The following CLEC12A variants were observed in gnomAD, a reference collection of about 807,000 sequenced individuals.
The protein encoded by CLEC12A is C-type lectin domain family 12 member A, also known as C-type lectin protein CLL-1.
In CLEC12A, 22 loss-of-function variants were observed where a neutral mutation model predicts 26.5. The ratio of observed to expected loss-of-function variants is 0.83; its 90% confidence interval spans 0.59 to 1.19. The LOEUF is 1.19. Among genes scored for constraint, CLEC12A ranks in the 50% most tolerant of loss-of-function variants. The pLI is 0.00. For synonymous variants in CLEC12A, 119 were observed against 101.9 expected (o/e 1.17, Z -1.01); for missense variants, 353 against 315.6 (o/e 1.12, Z -0.90).
the CLEC12A span, among the ~76,000 whole-genome samples, chr12:10,004,750 A>G: frequency 6.6e-6 from 1 of 151,676 alleles, no homozygotes; most frequent in Non-Finnish European, 1.5e-5. Flanking sequence ...GTGCCAGGGA[A>G]CCACTCTCTT....
upstream of CLEC12A, among the ~76,000 whole-genome samples, chr12:9,966,855 G>C (rs71441775): frequency 1.3e-5 from 1 of 78,796 alleles, no homozygotes; most frequent in East Asian, 4.3e-4. Flanking sequence ...GCTGTAAAGC[G>C]TCTCAGGGTT....
Position 9,978,986 on chromosome 12 carries a change from G to T in CLEC12A, c.112G>T (p.Val38Leu). The T allele has an allele frequency of 6.2e-7, 1 of 1,613,892 alleles. No homozygotes were observed. Among genetic ancestry groups the T allele is most frequent in the Non-Finnish European group, 8.5e-7 (1 of 1,179,842 alleles). The change falls in exon 2 of 6, where the codon GTA becomes TTA. Residue 38 changes from valine (V) to leucine (L), a missense_variant. Coordinates refer to ENST00000304361, the MANE Select transcript of CLEC12A (RefSeq NM_138337.6). Reference protein sequence around the residue: ...GEKAPPAPSHVWRPAALFLTL... With the variant: ...GEKAPPAPSHLWRPAALFLTL... ...CACAGCACCTCCAGCTCCCTCTCAT[G>T]TATGGCGTCCAGCAGCCTTGTTTCT...
chr12:9,975,295 G>T (rs609216), intron 1 of CLEC12A, among the ~76,000 whole-genome samples: 83,825 of 151,990 alleles, frequency 0.55, 23,654 homozygotes, highest in East Asian at 0.84. Flanking sequence ...GAAGAAGACA[G>T]AAAAATGTGG....
chr12:9,977,657 T>C (rs1358915865), intron 1 of CLEC12A, among the ~76,000 whole-genome samples: 1 of 152,218 alleles, frequency 6.6e-6, no homozygotes, highest in East Asian at 1.9e-4. Flanking sequence ...GTTTTAAATC[T>C]CTGCACAACA....
intron 1 of CLEC12A, among the ~76,000 whole-genome samples, chr12:9,978,297 A>G (rs1169208078): frequency 6.6e-6 from 1 of 152,144 alleles, no homozygotes; most frequent in East Asian, 1.9e-4. Flanking sequence ...TTAAATAGAG[A>G]AATGATCTAT....
chr12:9,980,472 A>G (rs2137186608), intron 3 of CLEC12A, 110 bp from the exon 4 acceptor site: 1 of 1,140,088 alleles, frequency 8.8e-7, no homozygotes, highest in East Asian at 2.5e-5. Flanking sequence ...AAAGAAAAAG[A>G]AAGAAGAATA....
At position 9,952,588 on chromosome 12, in the gene CLEC12A, G is replaced by A. The variant is rs866205256; in HGVS notation, c.10+1232G>A. On this transcript the variant is annotated intron_variant, in intron 1 of 6. Coordinates refer to the CLEC12A transcript ENST00000355690. The stretch of plus-strand genomic sequence containing the variant: ...AGTGCCGAGATTGCAGCCTCTGCCC[G>A]GCCGCCACCCCGTCTGGGAAGTGAG... The A allele has an allele frequency of 3.5e-3, 594 of 168,762 alleles. 7 individuals are homozygous for A. The highest frequency in any genetic ancestry group is 0.01 in the African/African-American group (413 of 40,186). The allele number at this position is 168,762 out of a possible 1,614,324, so 10.5% of individuals were successfully genotyped here.
At chr12:9,995,268 A>T (rs770126978) in exon 5 of CLEC12A, 1 of 1,584,130 alleles carries the variant, frequency 6.3e-7, no homozygotes, top group Non-Finnish European at 8.7e-7. Context: ...ATAAATAAAC[A>T]CAATGGTCAG....
At chr12:9,951,481 C>G (rs1173409439) in intron 1 of CLEC12A, 4 of 688,474 alleles carry the variant, frequency 5.8e-6, no homozygotes, top group Non-Finnish European at 1.1e-5. Flanking sequence ...CCTGACTGTT[C>G]CAGTTCAGAC....
chr12:9,998,181 TA>T, downstream of CLEC12A: 1 of 871,700 alleles, frequency 1.1e-6, no homozygotes, highest in African/African-American at 1.7e-5. Context: ...GTAGAAGTGA[TA>T]AACAGACAAA....
the CLEC12A span, among the ~76,000 whole-genome samples, chr12:10,005,170 A>C: frequency 3.5e-3 from 539 of 152,292 alleles, 2 homozygotes; most frequent in African/African-American, 0.013. Context: ...CCAAGGCACA[A>C]TTCTATTTTC....
rs991978038 is a variant in CLEC12A at position 9,985,282 on chromosome 12, G to C, written c.*256G>C. The C allele has an allele frequency of 5.0e-6, 2 of 402,170 alleles. No homozygotes were observed. Among genetic ancestry groups the C allele is most frequent in the African/African-American group, 4.2e-5 (2 of 48,192 alleles). 24.9% of individuals were successfully genotyped at this position (402,170 alleles called of 1,614,324 possible). On this transcript the variant is annotated 3_prime_UTR_variant, in exon 6 of 6. Coordinates refer to ENST00000304361, the MANE Select transcript of CLEC12A (RefSeq NM_138337.6). ...CCTGGAGGAAGAGGAAGTCCATTCA[G>C]ATAGTTGTGGGGGGCCTTCGAATTT...
At chr12:9,964,540 C>A (rs571994637) in intron 1 of CLEC12A, among the ~76,000 whole-genome samples, 2 of 152,140 alleles carry the variant, frequency 1.3e-5, no homozygotes, top group South Asian at 2.1e-4. Context: ...TGGAGGGTCC[C>A]CTGCCAGCAA....
intron 1 of CLEC12A, among the ~76,000 whole-genome samples, chr12:9,956,043 A>G (rs1863737664): frequency 6.6e-6 from 1 of 152,228 alleles, no homozygotes; most frequent in Middle Eastern, 3.2e-3. Flanking sequence ...TCAAGGGGAG[A>G]CAAGCTGACA....
chr12:9,982,084 C>G lies in CLEC12A; in HGVS notation c.596C>G (p.Ser199Cys). The change falls in exon 5 of 6, where the codon TCC (serine) becomes TGC (cysteine). Residue 199 changes from serine (S) to cysteine (C), a missense_variant. Transcript: ENST00000304361. ...YWLGLSPEED[S>C]TRGMRVDNII... ...CTGGGATTATCTCCTGAAGAAGATT[C>G]CACTCGTGGTATGAGAGTGGATAAT... 6.2e-7 allele frequency: 1 copy of G among 1,601,054 alleles called. No homozygotes were observed. Among genetic ancestry groups the G allele is most frequent in the Non-Finnish European group, 8.6e-7 (1 of 1,169,070 alleles).
downstream of CLEC12A, chr12:9,998,210 C>T (rs1399532036): frequency 9.7e-6 from 11 of 1,132,700 alleles, no homozygotes; most frequent in Non-Finnish European, 1.5e-5. Context: ...CATTGAGAAG[C>T]TTAGTGGGAT....
chr12:9,979,126 A>G, intron 2 of CLEC12A, 62 bp downstream of exon 2: 1 of 1,359,686 alleles, frequency 7.4e-7, no homozygotes. Flanking sequence ...TTTAGCAACA[A>G]AAGTTTATTC....
chr12:9,996,901 T>C, downstream of CLEC12A: 2 of 1,614,002 alleles, frequency 1.2e-6, no homozygotes, highest in Non-Finnish European at 1.7e-6. Flanking sequence ...AGTGCAGTAC[T>C]GCTTACTCTC....
At chr12:9,971,101 T>C (rs1023425378), upstream of CLEC12A, among the ~76,000 whole-genome samples, 2 of 152,124 alleles carry the variant, frequency 1.3e-5, no homozygotes, top group South Asian at 2.1e-4. Flanking sequence ...TTCATCATCA[T>C]ACAAAAGGAA....
Sources: gnomAD v4.1 joint callset for allele counts (sites outside exome capture counted in the v4.1 genomes callset) on GRCh38, gnomAD v4.1.1 for gene constraint, MANE v1.5 for transcripts, NCBI Gene and HGNC (gene_info 2026-07-23, HGNC 2026-07-21) for gene names.